HPSE2: variants seen among roughly 807,000 people sequenced by gnomAD.
HPSE2 encodes heparanase 2 (inactive), also known as inactive heparanase-2.
HPSE2 carries 38 observed loss-of-function variants against 60.5 expected under a neutral mutation model. That is an observed-to-expected ratio of 0.63 (90% CI 0.48 to 0.82). The LOEUF (loss-of-function observed/expected upper bound fraction) is 0.82, where lower values mean the gene tolerates loss of function less well. Ranked by LOEUF, HPSE2 falls within the 40% of genes least tolerant of loss-of-function variation. HPSE2 has a pLI of 0.00. For missense variants in HPSE2, 713 were observed against 740.4 expected (o/e 0.96, Z 0.43); for synonymous variants, 295 against 293.2 (o/e 1.01, Z -0.06).
At chr10:98,645,884 A>C (rs1327961806) in intron 6 of HPSE2, among the ~76,000 whole-genome samples, 2 of 152,150 alleles carry the variant, frequency 1.3e-5, no homozygotes, top group Non-Finnish European at 2.9e-5. Flanking sequence ...CTGAGTCAGG[A>C]GAATGGCGTG....
intron 3 of HPSE2, among the ~76,000 whole-genome samples, chr10:99,037,357 T>C (rs1416236045): frequency 6.6e-6 from 1 of 152,120 alleles, no homozygotes; most frequent in African/African-American, 2.4e-5. Flanking sequence ...TTAGTTCTGA[T>C]AATCATACCA....
intron 3 of HPSE2, among the ~76,000 whole-genome samples, chr10:98,956,985 TGA>T (rs1336206726): frequency 6.6e-6 from 1 of 152,014 alleles, no homozygotes; most frequent in Non-Finnish European, 1.5e-5. Context: ...ACAAATTGAA[TGA>T]GAGAGTGTGC....
intron 9 of HPSE2, among the ~76,000 whole-genome samples, chr10:98,612,536 T>C (rs1424019495): frequency 6.6e-6 from 1 of 152,202 alleles, no homozygotes. Flanking sequence ...CCTTGTCTTT[T>C]TGGTTCCCCA....
intron 3 of HPSE2, among the ~76,000 whole-genome samples, chr10:98,822,506 A>G (rs941283921): frequency 6.6e-6 from 1 of 152,244 alleles, no homozygotes; most frequent in African/African-American, 2.4e-5. Context: ...AATTAAATAC[A>G]GGAAATGAAC....
chr10:99,096,390 A>G (rs978196997), intron 3 of HPSE2, among the ~76,000 whole-genome samples: 1 of 152,214 alleles, frequency 6.6e-6, no homozygotes, highest in Non-Finnish European at 1.5e-5. Context: ...TCACTTATTT[A>G]ATCCTAACAA....
intron 3 of HPSE2, among the ~76,000 whole-genome samples, chr10:99,083,820 G>C (rs543718138): frequency 3.9e-5 from 6 of 152,032 alleles, no homozygotes; most frequent in South Asian, 2.1e-4. Context: ...TAACAGAAAA[G>C]AAAATGTCTT....
At chr10:98,721,934 A>G in intron 4 of HPSE2, 106 bp from the exon 5 acceptor site, 1 of 969,100 alleles carries the variant, frequency 1.0e-6, no homozygotes, top group Non-Finnish European at 1.6e-6. Flanking sequence ...ATGAAAAAAA[A>G]AAACAATAAA....
At chr10:98,730,235 A>G (rs1949194857) in intron 4 of HPSE2, among the ~76,000 whole-genome samples, 1 of 152,194 alleles carries the variant, frequency 6.6e-6, no homozygotes, top group Non-Finnish European at 1.5e-5. Context: ...TAATCCATTG[A>G]TCAAAGAAGA....
rs569834818 is a variant in HPSE2, at chr10:99,202,723, C to T, written c.448+29625G>A. On this transcript the variant is annotated intron_variant, in intron 2 of 11. Coordinates refer to ENST00000370552, the MANE Select transcript of HPSE2 (RefSeq NM_021828.5). ...AGCAAGATGGTAGAATAAGACTTTC[C>T]AGCACTCATCACCCCTATAGACACA... Among the ~76,000 whole-genome samples the T allele has an allele frequency of 2.6e-5, 4 of 152,170 alleles. No individual in the cohort carries two copies. The East Asian group carries it at 7.7e-4, about 29-fold the overall frequency.
intron 3 of HPSE2, among the ~76,000 whole-genome samples, chr10:98,997,570 T>A (rs1203301812): frequency 6.6e-6 from 1 of 152,226 alleles, no homozygotes; most frequent in Non-Finnish European, 1.5e-5. Context: ...CTGAAGGGAC[T>A]GCAATATTTC....
At chr10:99,257,230 T>C in the HPSE2 span, among the ~76,000 whole-genome samples, 1 of 152,156 alleles carries the variant, frequency 6.6e-6, no homozygotes. Flanking sequence ...ATATGAAATC[T>C]GGGCACCTTG....
intron 2 of HPSE2, among the ~76,000 whole-genome samples, chr10:99,177,137 G>C (rs1190869458): frequency 6.6e-6 from 1 of 151,780 alleles, no homozygotes; most frequent in Non-Finnish European, 1.5e-5. Flanking sequence ...AATATGGAAA[G>C]GAAAAAACGG....
chr10:99,069,066 C>T (rs1842703361), intron 3 of HPSE2, among the ~76,000 whole-genome samples: 1 of 152,204 alleles, frequency 6.6e-6, no homozygotes, highest in Non-Finnish European at 1.5e-5. Flanking sequence ...CCTTCACAAA[C>T]TCTTCCAGTA....
intron 3 of HPSE2, among the ~76,000 whole-genome samples, chr10:98,989,140 T>C (rs1956454859): frequency 6.6e-6 from 1 of 152,068 alleles, no homozygotes; most frequent in Admixed American, 6.6e-5. Context: ...GCCATCCCAT[T>C]ACTGGGTATA....
intron 9 of HPSE2, among the ~76,000 whole-genome samples, chr10:98,549,552 C>T (rs1943798137): frequency 6.6e-6 from 1 of 152,184 alleles, no homozygotes; most frequent in Non-Finnish European, 1.5e-5. Context: ...CTGTGGGTCT[C>T]CCTTGCAGCA....
intron 3 of HPSE2, among the ~76,000 whole-genome samples, chr10:98,989,242 A>G (rs907151055): frequency 2.6e-5 from 4 of 152,246 alleles, no homozygotes; most frequent in African/African-American, 4.8e-5. Context: ...ACTTGGAACC[A>G]ACCCAAATGT....
rs184577004 is a variant in HPSE2 at position 98,486,692 on chromosome 10, G to A, written c.1466+3359C>T. The stretch of plus-strand genomic sequence containing the variant: ...AAGCTGGGAGGCTGGGAAAGGGAAA[G>A]GAGGATGATGCTTTGCAGTCCACGG... On this transcript the variant is annotated intron_variant, in intron 10 of 11. Transcript: ENST00000370552. 3.5e-3 allele frequency among the ~76,000 whole-genome samples: 535 copies of A among 152,300 alleles called. 4 individuals are homozygous for A. Among genetic ancestry groups the A allele is most frequent in the African/African-American group, 0.012 (505 of 41,544 alleles).
chr10:99,067,562 T>C (rs1578708), intron 3 of HPSE2, among the ~76,000 whole-genome samples: 102,478 of 152,116 alleles, frequency 0.67, 37,843 homozygotes, highest in Non-Finnish European at 0.81. Flanking sequence ...TTAGGGCTTG[T>C]AACCTCTGAA....
the HPSE2 span, among the ~76,000 whole-genome samples, chr10:99,272,142 A>G: frequency 6.6e-6 from 1 of 152,014 alleles, no homozygotes; most frequent in Non-Finnish European, 1.5e-5. Flanking sequence ...ATGGTGGCAG[A>G]CGCCTGTAAT....
Sources: gnomAD v4.1 joint callset for allele counts (sites outside exome capture counted in the v4.1 genomes callset) on GRCh38, gnomAD v4.1.1 for gene constraint, MANE v1.5 for transcripts, NCBI Gene and HGNC (gene_info 2026-07-23, HGNC 2026-07-21) for gene names.